MAPKAP1: variants seen among roughly 807,000 people sequenced by gnomAD.
The protein encoded by MAPKAP1 is target of rapamycin complex 2 subunit MAPKAP1.
Under a neutral mutation model 65.7 loss-of-function variants are expected in MAPKAP1, and 20 were observed. The ratio of observed to expected loss-of-function variants is 0.30; its 90% CI spans 0.21 to 0.44. The LOEUF (loss-of-function observed/expected upper bound fraction) is 0.44. Among genes scored for constraint, MAPKAP1 ranks in the 20% least tolerant of loss-of-function variants. The pLI is 1.00. For synonymous variants in MAPKAP1, 222 were observed against 244.3 expected (o/e 0.91, Z 0.85); for missense variants, 423 against 648.0 (o/e 0.65, Z 3.77).
chr9:125,467,938 G>A, intron 10 of MAPKAP1, 34 bp downstream of exon 10: 1 of 1,609,106 alleles, frequency 6.2e-7, no homozygotes, highest in Non-Finnish European at 8.5e-7. Context: ...AGGGGAAAGA[G>A]AGAAAGGAGA....
At chr9:125,521,555 A>G (rs1829618138) in intron 7 of MAPKAP1, 2 of 1,377,982 alleles carry the variant, frequency 1.5e-6, no homozygotes, top group Non-Finnish European at 1.9e-6. Context: ...ATAAATGCCA[A>G]AACTGGTTGA....
chr9:125,477,615 T>G (rs558838091), intron 9 of MAPKAP1, among the ~76,000 whole-genome samples: 21 of 152,324 alleles, frequency 1.4e-4, no homozygotes, highest in African/African-American at 4.8e-4. Context: ...TCTGCCATGG[T>G]TCTTGCATTG....
At chr9:125,477,159 ACT>A (rs1854140940) in intron 9 of MAPKAP1, among the ~76,000 whole-genome samples, 1 of 152,050 alleles carries the variant, frequency 6.6e-6, no homozygotes. Flanking sequence ...TCCTATACAG[ACT>A]CTGTATATCT....
At chr9:125,507,266 G>A (rs1829168878) in intron 7 of MAPKAP1, among the ~76,000 whole-genome samples, 1 of 152,108 alleles carries the variant, frequency 6.6e-6, no homozygotes. Flanking sequence ...ACACATAACG[G>A]GTCCAATGAT....
chr9:125,536,231 A>G (rs1243702578), intron 7 of MAPKAP1, among the ~76,000 whole-genome samples: 1 of 152,150 alleles, frequency 6.6e-6, no homozygotes, highest in Non-Finnish European at 1.5e-5. Context: ...GCTGTACTCT[A>G]TATTTGGGAA....
intron 7 of MAPKAP1, among the ~76,000 whole-genome samples, chr9:125,540,056 T>A (rs1326360058): frequency 2.0e-5 from 3 of 152,184 alleles, no homozygotes; most frequent in East Asian, 3.8e-4. Context: ...ATAATGCAAA[T>A]CAAAATTTTA....
rs143515186 is a variant in MAPKAP1, at chr9:125,538,561, A to C, written c.958+4498T>G. ...TTTTTGGTGGGGTGGGGGGTTAAGTAAATTAAACTGCAAAGTAATCTGAAA... is the reference window on the plus strand; with the variant it reads ...TTTTTGGTGGGGTGGGGGGTTAAGTCAATTAAACTGCAAAGTAATCTGAAA... On this transcript the variant is annotated intron_variant, in intron 7 of 11. Transcript: ENST00000265960. Among the ~76,000 whole-genome samples, 1,185 of 152,264 alleles carry C rather than the reference A, an allele frequency of 7.8e-3. 5 individuals are homozygous for C. The highest frequency in any genetic ancestry group is 0.012 in the Non-Finnish European group (784 of 68,022).
intron 1 of MAPKAP1, among the ~76,000 whole-genome samples, chr9:125,683,042 G>A (rs190253699): frequency 4.0e-5 from 6 of 149,516 alleles, no homozygotes; most frequent in East Asian, 2.0e-4. Context: ...CACAACCTCC[G>A]CCTCCCAGGT....
chr9:125,674,077 C>G (rs1834573903), intron 1 of MAPKAP1, among the ~76,000 whole-genome samples: 1 of 152,046 alleles, frequency 6.6e-6, no homozygotes, highest in South Asian at 2.1e-4. Context: ...GTACTAGGCC[C>G]TAGAGACAGA....
chr9:125,529,983 T>A (rs1039875700), intron 7 of MAPKAP1, among the ~76,000 whole-genome samples: 3 of 152,230 alleles, frequency 2.0e-5, no homozygotes, highest in African/African-American at 7.2e-5. Flanking sequence ...TATAATTTAC[T>A]CAAAAAGAAA....
chr9:125,644,463 TAA>T (rs1369348431), intron 4 of MAPKAP1, among the ~76,000 whole-genome samples: 2 of 152,236 alleles, frequency 1.3e-5, no homozygotes, highest in East Asian at 1.9e-4. Context: ...CTGCTAATGT[TAA>T]GAGACCAGAT....
chr9:125,538,099 A>G (rs182755271), intron 7 of MAPKAP1, among the ~76,000 whole-genome samples: 281 of 152,264 alleles, frequency 1.8e-3, no homozygotes, highest in Non-Finnish European at 2.5e-3. Context: ...TTTGGGCCTC[A>G]GTGTATTTCA....
intron 8 of MAPKAP1, among the ~76,000 whole-genome samples, chr9:125,500,563 C>T (rs1303963063): frequency 2.6e-5 from 4 of 152,138 alleles, no homozygotes; most frequent in African/African-American, 9.7e-5. Context: ...TGTGTGTACA[C>T]ACACCTATGA....
In MAPKAP1 at chr9:125,526,771, TC is replaced by T. The variant is rs200029700; in HGVS notation, c.958+16287del. On this transcript the variant is annotated intron_variant, in intron 7 of 11. Transcript: ENST00000265960. ...AATCAAAGTAGCATATATATAGTTT[TC>T]TTTTTTCTTTTTTCTTTTTTTTTTT... 4.7e-3 allele frequency among the ~76,000 whole-genome samples: 685 copies of T among 146,644 alleles called. 1 individual carries two copies. The highest frequency in any genetic ancestry group is 0.014 in the African/African-American group (562 of 39,944).
At position 125,669,874 on chromosome 9, in the gene MAPKAP1, T is replaced by A. The variant is rs1483278003; in HGVS notation, c.293A>T (p.Gln98Leu). The A allele has an allele frequency of 3.1e-6, 5 of 1,600,298 alleles. No individual in the cohort carries two copies. ...QRLERLRKER[Q>L]NQIKCKNIQW... ...AATATTTTTGCATTTGATCTGGTTT[T>A]GTCTCTCTTTTCGGAGTCGTTCTAA... is the stretch of plus-strand genomic sequence containing the variant. Residue 98 changes from glutamine (Q) to leucine (L), a missense_variant, in exon 3 of 12, where the codon CAA becomes CTA. Physicochemically the swap from Gln to Leu is moderately radical, Grantham distance 113. This residue lies in a region of MAPKAP1 where 67 missense variants were observed against 69.6 expected (regional missense o/e 0.96). Transcript: ENST00000265960.
At chr9:125,516,852 C>A (rs1321412125) in intron 7 of MAPKAP1, among the ~76,000 whole-genome samples, 2 of 152,184 alleles carry the variant, frequency 1.3e-5, no homozygotes, top group African/African-American at 4.8e-5. Flanking sequence ...TATATTGCTA[C>A]ACAAATTTGA....
At chr9:125,556,702 C>T (rs977249028) in intron 6 of MAPKAP1, among the ~76,000 whole-genome samples, 2 of 152,158 alleles carry the variant, frequency 1.3e-5, no homozygotes, top group African/African-American at 4.8e-5. Context: ...GTAGTTACGG[C>T]TTTATTTATT....
At chr9:125,531,234 A>G (rs1479507145) in intron 7 of MAPKAP1, among the ~76,000 whole-genome samples, 1 of 152,238 alleles carries the variant, frequency 6.6e-6, no homozygotes, top group Non-Finnish European at 1.5e-5. Context: ...GAAGCACCAC[A>G]GTGTCTAGCA....
intron 6 of MAPKAP1, among the ~76,000 whole-genome samples, chr9:125,545,482 G>C (rs1433776608): frequency 6.6e-6 from 1 of 152,176 alleles, no homozygotes; most frequent in Non-Finnish European, 1.5e-5. Flanking sequence ...GCCTAAAAGA[G>C]AACACAAGTT....
Sources: allele counts gnomAD v4.1 joint callset (sites outside exome capture counted in the v4.1 genomes callset), GRCh38; gene constraint gnomAD v4.1.1; regional missense constraint gnomAD v4.1.1; transcripts MANE v1.5; gene names NCBI Gene and HGNC (gene_info 2026-07-23, HGNC 2026-07-21).